FAM135B: variants seen among roughly 807,000 people sequenced by gnomAD.
FAM135B encodes the protein protein FAM135B.
In FAM135B, 43 loss-of-function variants were observed where a neutral mutation model predicts 127.7. The ratio of observed to expected loss-of-function variants is 0.34; its 90% CI spans 0.26 to 0.43. The LOEUF is 0.43. Ranked by LOEUF, FAM135B falls within the 20% of genes least tolerant of loss-of-function variation. The pLI, the probability that FAM135B is intolerant of heterozygous loss-of-function variation, is 1.00. For missense variants in FAM135B, 1,558 were observed against 1,725.6 expected (o/e 0.90, Z 1.72); for synonymous variants, 670 against 665.1 (o/e 1.01, Z -0.11).
chr8:138,493,403 G>A (rs1315731355), intron 1 of FAM135B, among the ~76,000 whole-genome samples: 1 of 152,124 alleles, frequency 6.6e-6, no homozygotes, highest in African/African-American at 2.4e-5. Flanking sequence ...GTGAAATACA[G>A]GGAGGAGACT....
At position 138,130,204 on chromosome 8, in the gene FAM135B, A is replaced by ATATATT. The variant is rs970939853; in HGVS notation, c.*2383_*2388dup. On this transcript the variant is annotated 3_prime_UTR_variant, in exon 20 of 20. Transcript: ENST00000395297. ...CCTGTTTTACATAATATATATTTAT[A>ATATATT]TATATTTTATGTATATATATTTATA... 1.3e-5 allele frequency: 2 copies of ATATATT among 149,414 alleles called. No homozygotes were observed. Among genetic ancestry groups the ATATATT allele is most frequent in the Non-Finnish European group, 3.0e-5 (2 of 67,488 alleles). The allele number at this position is 149,414 out of a possible 1,614,324, so 9.3% of individuals were successfully genotyped here. A position where few individuals can be genotyped will look rare whatever the true frequency, so the allele number is the denominator to read the frequency against.
intron 3 of FAM135B, among the ~76,000 whole-genome samples, chr8:138,294,875 C>A (rs949016968): frequency 2.0e-5 from 3 of 152,182 alleles, no homozygotes; most frequent in African/African-American, 7.2e-5. Flanking sequence ...TTTCATGACT[C>A]TGCATCTGCA....
intron 1 of FAM135B, among the ~76,000 whole-genome samples, chr8:138,446,169 G>A (rs545187230): frequency 6.6e-6 from 1 of 152,088 alleles, no homozygotes; most frequent in Non-Finnish European, 1.5e-5. Flanking sequence ...ACAAACAAAT[G>A]GAAGAACATT....
intron 1 of FAM135B, among the ~76,000 whole-genome samples, chr8:138,392,890 T>C (rs1832659401): frequency 6.6e-6 from 1 of 152,170 alleles, no homozygotes; most frequent in East Asian, 1.9e-4. Flanking sequence ...CTGAGAATAC[T>C]CCTTAATCGG....
intron 1 of FAM135B, chr8:138,439,635 A>G (rs1189950275): frequency 6.6e-6 from 1 of 152,162 alleles, no homozygotes; most frequent in Admixed American, 6.5e-5. Context: ...AGAACTTTCT[A>G]CTGTAGTGCC....
chr8:138,252,629 G>A (rs1384178467), intron 5 of FAM135B, among the ~76,000 whole-genome samples: 1 of 152,176 alleles, frequency 6.6e-6, no homozygotes, highest in East Asian at 1.9e-4. Flanking sequence ...TGGTGGTGCA[G>A]GGAGGTCTCT....
chr8:138,323,888 A>C (rs1004059623), intron 2 of FAM135B, among the ~76,000 whole-genome samples: 7 of 152,222 alleles, frequency 4.6e-5, no homozygotes, highest in African/African-American at 7.2e-5. Context: ...AGTAAAGCAG[A>C]TATTTTTTAT....
chr8:138,358,830 T>C (rs554323755), intron 2 of FAM135B, among the ~76,000 whole-genome samples: 1 of 152,124 alleles, frequency 6.6e-6, no homozygotes, highest in Admixed American at 6.5e-5. Context: ...TGCTCTGCCT[T>C]TGATTCCACC....
intron 2 of FAM135B, among the ~76,000 whole-genome samples, chr8:138,364,236 C>T (rs1028695559): frequency 9.2e-5 from 14 of 152,128 alleles, no homozygotes; most frequent in African/African-American, 3.4e-4. Context: ...ACTTGAGCAT[C>T]AGGGATCATG....
At chr8:138,362,275 C>T (rs1830464625) in intron 2 of FAM135B, among the ~76,000 whole-genome samples, 2 of 126,576 alleles carry the variant, frequency 1.6e-5, no homozygotes, top group East Asian at 2.9e-4. Context: ...CATCCCCCAC[C>T]CCCATATCTT....
At chr8:138,165,353 C>G (rs183936404) in intron 12 of FAM135B, among the ~76,000 whole-genome samples, 86 of 152,146 alleles carry the variant, frequency 5.7e-4, no homozygotes, top group African/African-American at 2.0e-3. Context: ...CTCCCGACCT[C>G]AGGTGATCCA....
intron 12 of FAM135B, among the ~76,000 whole-genome samples, chr8:138,163,118 A>G (rs1819552548): frequency 6.6e-6 from 1 of 152,236 alleles, no homozygotes; most frequent in Non-Finnish European, 1.5e-5. Flanking sequence ...TGCATTCAGA[A>G]TGCCTTTATG....
intron 3 of FAM135B, among the ~76,000 whole-genome samples, chr8:138,305,892 A>T (rs12676535): frequency 6.6e-6 from 1 of 152,108 alleles, no homozygotes; most frequent in African/African-American, 2.4e-5. Context: ...GTATAGGAAG[A>T]CCACTTGAAA....
At chr8:138,218,766 C>CAGAGAGAGAG (rs34578685) in intron 7 of FAM135B, among the ~76,000 whole-genome samples, 4 of 80,498 alleles carry the variant, frequency 5.0e-5, no homozygotes, top group Admixed American at 1.6e-4. Flanking sequence ...CACACACACA[C>CAGAGAGAGAG]AGAGAGAGAG....
Position 138,152,938 on chromosome 8 carries a change from C to T in FAM135B, c.1537G>A (p.Val513Met), listed in dbSNP as rs1448814730. ...SIGEFQNKAG[V>M]PEDECWTGQT... ...CCAGTCCAACATTCATCTTCAGGCA[C>T]ACCTGCTTTGTTTTGAAATTCACCA... Residue 513 changes from valine (V) to methionine (M), a missense_variant, in exon 13 of 20, where the codon GTG (valine) becomes ATG (methionine). By Grantham distance (21) the Val-to-Met change is conservative. Around this residue, in one of 5 missense-constraint regions of FAM135B, gnomAD observed 923 missense variants for 865.3 expected, o/e 1.07. Transcript: ENST00000395297. The T allele has an allele frequency of 1.2e-6, 2 of 1,614,200 alleles. No homozygotes were observed. Among genetic ancestry groups the T allele is most frequent in the Non-Finnish European group, 8.5e-7 (1 of 1,180,044 alleles).
intron 2 of FAM135B, among the ~76,000 whole-genome samples, chr8:138,365,405 G>C (rs976595982): frequency 2.0e-5 from 3 of 152,016 alleles, no homozygotes; most frequent in African/African-American, 7.2e-5. Context: ...TTTTGTTAAC[G>C]GTGATTATTT....
At position 138,132,520 on chromosome 8, in the gene FAM135B, CTG is replaced by C; in HGVS notation, c.*71_*72del. On this transcript the variant is annotated 3_prime_UTR_variant, in exon 20 of 20. Transcript: ENST00000395297. This position sits in a 1 kb window ranked among gnomAD's most constrained non-coding sequence, Gnocchi z 4.5. ...AAGCTTCATTCTGAAATGGTGAGGT[CTG>C]TAAAAGCAGGTCTCAGCTAAAGCTC... 7.1e-6 allele frequency: 9 copies of C among 1,273,818 alleles called. No homozygotes were observed. Among genetic ancestry groups the C allele is most frequent in the Non-Finnish European group, 1.0e-5 (9 of 881,764 alleles). 78.9% of individuals were successfully genotyped at this position (1,273,818 alleles called of 1,614,324 possible). A position where few individuals can be genotyped will look rare whatever the true frequency, so the allele number is the denominator to read the frequency against.
chr8:138,152,624 A>G lies in FAM135B; in HGVS notation c.1851T>C (p.Thr617=), dbSNP rs2130776167. The change falls in exon 13 of 20, where the codon ACT becomes ACC. Residue 617 remains threonine (T), a synonymous_variant. Coordinates refer to ENST00000395297, the MANE Select transcript of FAM135B (RefSeq NM_015912.4). ...SDKTTLHELS[T]LGKGIDQEGK... ...CCTCTTGATCTATTCCCTTTCCTAG[A>G]GTACTTAATTCATGGAGAGTTGTTT... is the stretch of plus-strand genomic sequence containing the variant. The G allele has an allele frequency of 1.9e-6, 3 of 1,614,082 alleles. No individual in the cohort carries two copies. The highest frequency in any genetic ancestry group is 2.5e-6 in the Non-Finnish European group (3 of 1,180,010).
intron 4 of FAM135B, among the ~76,000 whole-genome samples, chr8:138,260,913 C>T (rs902835030): frequency 9.2e-5 from 14 of 152,122 alleles, no homozygotes; most frequent in African/African-American, 3.4e-4. Context: ...GTCTCTGTGG[C>T]TCTCCGTGCT....
Sources: gnomAD v4.1 joint callset for allele counts (sites outside exome capture counted in the v4.1 genomes callset) on GRCh38, gnomAD v4.1.1 for gene constraint, gnomAD v4.1.1 regional missense constraint, Gnocchi (gnomAD v3.1) non-coding constraint, MANE v1.5 for transcripts, NCBI Gene and HGNC (gene_info 2026-07-23, HGNC 2026-07-21) for gene names.